The following TNRC18 variants were observed in gnomAD, a reference collection of about 807,000 sequenced individuals.
TNRC18 encodes trinucleotide repeat containing 18.
A neutral mutation model predicts 226.7 loss-of-function variants in TNRC18; 69 were observed. The ratio of observed to expected loss-of-function variants is 0.30; its 90% CI spans 0.25 to 0.37. The LOEUF (loss-of-function observed/expected upper bound fraction) is 0.37. Among genes scored for constraint, TNRC18 ranks in the 10% least tolerant of loss-of-function variants. The pLI, the probability that TNRC18 is intolerant of heterozygous loss-of-function variation, is 1.00. For synonymous variants in TNRC18, 2,449 were observed against 1,927.6 expected (o/e 1.27, Z -7.09); for missense variants, 4,754 against 4,256.6 (o/e 1.12, Z -3.25).
chr7:5,307,884 A>T lies in TNRC18; in HGVS notation c.*222T>A. ...TAAGAGGGGCCCCTGTCCTGGGGGC[A>T]CTGAGGGGTTGGAAGGTGGGGCTGG... is the stretch of plus-strand genomic sequence containing the variant. On this transcript the variant is annotated 3_prime_UTR_variant, in exon 30 of 30. Transcript: ENST00000430969. The T allele has an allele frequency of 1.7e-6, 1 of 575,300 alleles. No individual in the cohort carries two copies. The highest frequency in any genetic ancestry group is 2.9e-5 in the East Asian group (1 of 34,430). 35.6% of individuals were successfully genotyped at this position (575,300 alleles called of 1,614,324 possible).
chr7:5,327,745 T>G (rs966932041), intron 19 of TNRC18, among the ~76,000 whole-genome samples: 3 of 151,240 alleles, frequency 2.0e-5, no homozygotes, highest in African/African-American at 7.3e-5. Flanking sequence ...TACTTTTTTG[T>G]AAAAAAAACA....
intron 17 of TNRC18, among the ~76,000 whole-genome samples, chr7:5,346,694 C>T (rs1791232972): frequency 6.6e-6 from 1 of 152,094 alleles, no homozygotes; most frequent in Non-Finnish European, 1.5e-5. Context: ...TAGCAACTCC[C>T]CCATTCTGGG....
At chr7:5,308,411 C>CCAGGGAGCCA (rs1373422432) in intron 29 of TNRC18, 99 bp from the exon 30 acceptor site, 8 of 1,133,284 alleles carry the variant, frequency 7.1e-6, no homozygotes, top group Admixed American at 4.8e-5. Flanking sequence ...AGAGGGAGCC[C>CCAGGGAGCCA]CAGGGACTGA....
chr7:5,379,929 C>A (rs1779282585), intron 5 of TNRC18, among the ~76,000 whole-genome samples: 1 of 152,206 alleles, frequency 6.6e-6, no homozygotes, highest in Non-Finnish European at 1.5e-5. Context: ...CCATCAGCCA[C>A]CCCCAAGGGC....
rs200928367 is a variant in TNRC18, at chr7:5,361,610, C to T, written c.4645G>A (p.Gly1549Ser). The change falls in exon 14 of 30, where the codon GGC (glycine) becomes AGC (serine). Residue 1549 changes from glycine (G) to serine (S), a missense_variant. By Grantham distance (56) the Gly-to-Ser change is moderately conservative (BLOSUM62 0). Transcript: ENST00000430969. ...LSPPRKRGKS[G>S]HSSGKLSSKS... The stretch of plus-strand genomic sequence containing the variant: ...CAGCCTTACTTTCCGCTACTGTGGC[C>T]GCTCTTCCCTCTCTTGCGGGGGGGC... 1,011 of 1,537,674 alleles carry T rather than the reference C, an allele frequency of 6.6e-4. 4 individuals are homozygous for T. Among genetic ancestry groups the T allele is most frequent in the South Asian group, 1.1e-3 (87 of 82,252 alleles).
rs1158929148 is a variant in TNRC18 at position 5,421,457 on chromosome 7, A to T, written c.-211T>A. 2 of 174,744 alleles carry T rather than the reference A, an allele frequency of 1.1e-5. No individual in the cohort carries two copies. The highest frequency in any genetic ancestry group is 2.2e-5 in the Non-Finnish European group (2 of 89,786). The allele number at this position is 174,744 out of a possible 1,614,324, so 10.8% of individuals were successfully genotyped here. ...GGCGGTGGGGCCCCTCCGGGCGGCC[A>T]GGCGGAGCTGCGCGAGGCGGCGCAC... is the stretch of plus-strand genomic sequence containing the variant. On this transcript the variant is annotated 5_prime_UTR_variant, in exon 2 of 30. Coordinates refer to ENST00000430969, the MANE Select transcript of TNRC18 (RefSeq NM_001080495.3).
At chr7:5,369,846 A>G (rs374230822) in intron 11 of TNRC18, among the ~76,000 whole-genome samples, 36 of 152,186 alleles carry the variant, frequency 2.4e-4, no homozygotes, top group African/African-American at 8.2e-4. Flanking sequence ...CAGGAAACCT[A>G]CAGACTGGCT....
chr7:5,325,358 C>T (rs1252478841), intron 19 of TNRC18, 110 bp from the exon 20 acceptor site: 11 of 1,284,192 alleles, frequency 8.6e-6, no homozygotes, highest in Admixed American at 2.8e-5. Flanking sequence ...CCCAAGTGCG[C>T]CCTCCCAGGA....
At chr7:5,325,724 A>AT (rs66514806) in intron 19 of TNRC18, 2,520 of 62,834 alleles carry the variant, frequency 0.04, 129 homozygotes, top group Non-Finnish European at 0.051. Context: ...GCGCCCTGCA[A>AT]TTTTTTTTTT....
chr7:5,319,523 T>A (rs957580524), intron 24 of TNRC18, among the ~76,000 whole-genome samples: 4 of 152,194 alleles, frequency 2.6e-5, no homozygotes, highest in African/African-American at 9.7e-5. Context: ...TTTTTTCTTT[T>A]TTTGAGACGT....
chr7:5,345,527 C>G, intron 18 of TNRC18, 35 bp downstream of exon 18: 1 of 332,468 alleles, frequency 3.0e-6, no homozygotes, highest in Non-Finnish European at 4.9e-6. Context: ...GCCCCTCCCA[C>G]CCACCCCCAC....
At chr7:5,316,218 G>T (rs1787826320) in intron 24 of TNRC18, 146 bp from the exon 25 acceptor site, 2 of 500,498 alleles carry the variant, frequency 4.0e-6, no homozygotes, top group Non-Finnish European at 6.9e-6. Flanking sequence ...GGTATACAGC[G>T]GCTCAGAATG....
At position 5,307,786 on chromosome 7, in the gene TNRC18, C is replaced by G. The variant is rs1786698847; in HGVS notation, c.*320G>C. Reference sequence around the variant, plus strand: ...ACCCGGGCCCCCACGCAGCAGCAGCCTGGAGGGCCGGCCTGGCCAAGTGCT... The same window carrying G: ...ACCCGGGCCCCCACGCAGCAGCAGCGTGGAGGGCCGGCCTGGCCAAGTGCT... On this transcript the variant is annotated 3_prime_UTR_variant, in exon 30 of 30. Transcript: ENST00000430969. 1 of 416,872 alleles carries G rather than the reference C, an allele frequency of 2.4e-6. No homozygotes were observed. The highest frequency in any genetic ancestry group is 4.5e-6 in the Non-Finnish European group (1 of 221,086). 25.8% of individuals were successfully genotyped at this position (416,872 alleles called of 1,614,324 possible).
At chr7:5,362,886 G>A in intron 11 of TNRC18, 61 bp from the exon 12 acceptor site, 1 of 1,437,202 alleles carries the variant, frequency 7.0e-7, no homozygotes, top group Non-Finnish European at 9.1e-7. Flanking sequence ...CCCAAACGGG[G>A]ATGCCGAGGC....
chr7:5,327,370 T>TGC (rs1355294031), intron 19 of TNRC18, among the ~76,000 whole-genome samples: 2 of 99,002 alleles, frequency 2.0e-5, no homozygotes, highest in Non-Finnish European at 3.9e-5. Flanking sequence ...TGTGTGTTTG[T>TGC]GCGTGTGTGT....
chr7:5,377,294 C>A lies in TNRC18; in HGVS notation c.2461+77G>T. 1 of 1,398,672 alleles carries A rather than the reference C, an allele frequency of 7.1e-7. No individual in the cohort carries two copies. The highest frequency in any genetic ancestry group is 9.5e-7 in the Non-Finnish European group (1 of 1,050,104). The allele number at this position is 1,398,672 out of a possible 1,614,324, so 86.6% of individuals were successfully genotyped here. A position where few individuals can be genotyped will look rare whatever the true frequency, so the allele number is the denominator to read the frequency against. ...CAGGAAACGGCAGGCAGGAGCCAGC[C>A]CTGAGCTCTTGTCCTGCACCCGCCC... On this transcript the variant is annotated intron_variant, in intron 7 of 29. Coordinates refer to ENST00000430969, the MANE Select transcript of TNRC18 (RefSeq NM_001080495.3). This position sits in a 1 kb window ranked among gnomAD's most constrained non-coding sequence, Gnocchi z 5.8.
At chr7:5,325,487 G>A (rs1216504329) in intron 19 of TNRC18, 41 of 450,968 alleles carry the variant, frequency 9.1e-5, no homozygotes, top group East Asian at 7.2e-4. Context: ...GCAGTGGCGC[G>A]ATCTTGGCTC....
Position 5,388,073 on chromosome 7 carries a change from G to C in TNRC18, c.1751C>G (p.Ala584Gly), listed in dbSNP as rs750353354. ...SAAHGSGEAS[A>G]MQSLIKYSGS... ...ACTGTACTTTATAAGGCTCTGCATGGCCGAGGCCTCTCCAGACCCGTGGGC... is the reference window on the plus strand; with the variant it reads ...ACTGTACTTTATAAGGCTCTGCATGCCCGAGGCCTCTCCAGACCCGTGGGC... The change falls in exon 5 of 30, where the codon GCC becomes GGC. Residue 584 changes from alanine (A) to glycine (G), a missense_variant. Ala to Gly is a moderately conservative substitution (Grantham distance 60). Coordinates refer to ENST00000430969, the MANE Select transcript of TNRC18 (RefSeq NM_001080495.3). 3.9e-6 allele frequency: 6 copies of C among 1,556,164 alleles called. No homozygotes were observed. The highest frequency in any genetic ancestry group is 4.3e-6 in the Non-Finnish European group (5 of 1,150,594).
chr7:5,402,178 CAAAA>C (rs35794476), intron 2 of TNRC18, among the ~76,000 whole-genome samples: 5 of 71,328 alleles, frequency 7.0e-5, no homozygotes, highest in African/African-American at 1.9e-4. Context: ...GACTCTGTCT[CAAAA>C]AAAAAAAAAA....
Sources: allele counts gnomAD v4.1 joint callset (sites outside exome capture counted in the v4.1 genomes callset), GRCh38; gene constraint gnomAD v4.1.1; non-coding constraint Gnocchi (gnomAD v3.1); transcripts MANE v1.5; gene names NCBI Gene and HGNC (gene_info 2026-07-23, HGNC 2026-07-21).